The following KCNH8 variants were observed in gnomAD, a reference collection of about 807,000 sequenced individuals.
KCNH8 encodes voltage-gated delayed rectifier potassium channel KCNH8.
In KCNH8, 70 loss-of-function variants were observed where a neutral mutation model predicts 103.6. The ratio of observed to expected loss-of-function variants is 0.68; its 90% CI spans 0.56 to 0.82. The LOEUF is 0.82. Among genes scored for constraint, KCNH8 ranks in the 40% least tolerant of loss-of-function variants. The probability of loss-of-function intolerance (pLI) is 0.00; values close to 1 mark genes in which losing one functional copy is unlikely to be tolerated. For missense variants in KCNH8, 1,217 were observed against 1,329.9 expected, an observed-to-expected ratio of 0.92 and a Z score of 1.32; for synonymous variants, 498 against 489.4, an observed-to-expected ratio of 1.02 and a Z score of -0.23.
At chr3:19,488,233 G>A (rs926314237) in intron 11 of KCNH8, among the ~76,000 whole-genome samples, 1 of 152,158 alleles carries the variant, frequency 6.6e-6, no homozygotes, top group Non-Finnish European at 1.5e-5. Flanking sequence ...TACATTGAAA[G>A]TGTGGGCGAT....
At chr3:19,392,431 C>G (rs193043752) in intron 6 of KCNH8, among the ~76,000 whole-genome samples, 1 of 151,720 alleles carries the variant, frequency 6.6e-6, no homozygotes, top group East Asian at 1.9e-4. Flanking sequence ...CACCTAAATT[C>G]GTTATCCCTC....
At chr3:19,153,624 C>G (rs1575398770) in intron 1 of KCNH8, among the ~76,000 whole-genome samples, 1 of 146,308 alleles carries the variant, frequency 6.8e-6, no homozygotes, top group African/African-American at 2.5e-5. Flanking sequence ...CTTTTCTTTT[C>G]TTTCTTTTTT....
intron 3 of KCNH8, among the ~76,000 whole-genome samples, chr3:19,318,020 T>C (rs964781029): frequency 6.6e-6 from 1 of 151,944 alleles, no homozygotes; most frequent in African/African-American, 2.4e-5. Context: ...CAAATAGGAA[T>C]AGAGGAAGTC....
intron 5 of KCNH8, among the ~76,000 whole-genome samples, chr3:19,355,513 GAAAATGTGGCA>G (rs2065868810): frequency 1.9e-4 from 29 of 152,146 alleles, no homozygotes. Flanking sequence ...ACTGGATTAA[GAAAATGTGGCA>G]CATATACAAC....
At chr3:19,194,418 A>G (rs2063581224) in intron 1 of KCNH8, among the ~76,000 whole-genome samples, 1 of 151,776 alleles carries the variant, frequency 6.6e-6, no homozygotes, top group Non-Finnish European at 1.5e-5. Context: ...CCAATTTTTA[A>G]TGAGTGACAG....
intron 11 of KCNH8, among the ~76,000 whole-genome samples, chr3:19,507,195 G>A (rs2068709426): frequency 6.6e-6 from 1 of 152,168 alleles, no homozygotes; most frequent in African/African-American, 2.4e-5. Context: ...TGGTGGCTGT[G>A]GTGTGCTTGG....
intron 8 of KCNH8, among the ~76,000 whole-genome samples, chr3:19,444,696 C>T (rs1424601556): frequency 1.3e-5 from 2 of 150,588 alleles, no homozygotes; most frequent in Non-Finnish European, 3.0e-5. Flanking sequence ...GAAAAAAACA[C>T]CTCAGAAGTA....
chr3:19,510,260 A>G (rs75412914), intron 11 of KCNH8, 103 bp from the exon 12 acceptor site: 53,961 of 748,564 alleles, frequency 0.072, 2,471 homozygotes, highest in African/African-American at 0.18. Flanking sequence ...CTTCCCTCCC[A>G]CAAACTCTGT....
intron 11 of KCNH8, among the ~76,000 whole-genome samples, chr3:19,477,861 G>A (rs939164523): frequency 6.6e-6 from 1 of 151,984 alleles, no homozygotes; most frequent in African/African-American, 2.4e-5. Context: ...GGCTATTCGT[G>A]TAGCCATCAC....
rs187601695 is a variant in KCNH8 at position 19,326,514 on chromosome 3, T to C, written c.443-16073T>C. Among the ~76,000 whole-genome samples, 412 of 152,030 alleles carry C rather than the reference T, an allele frequency of 2.7e-3. 6 individuals are homozygous for C. The highest frequency in any genetic ancestry group is 9.3e-3 in the African/African-American group (387 of 41,496). Reference sequence around the variant, plus strand: ...CTCCTTTTTCTGAGTCAGGCTTAGGTAAAATCATTCCCTTCATTCTGTGCC... The same window carrying C: ...CTCCTTTTTCTGAGTCAGGCTTAGGCAAAATCATTCCCTTCATTCTGTGCC... On this transcript the variant is annotated intron_variant, in intron 3 of 15. Transcript: ENST00000328405.
At chr3:19,168,177 CTTTT>C (rs2063304519) in intron 1 of KCNH8, among the ~76,000 whole-genome samples, 1 of 151,694 alleles carries the variant, frequency 6.6e-6, no homozygotes, top group Non-Finnish European at 1.5e-5. Flanking sequence ...GCCCAGCTAA[CTTTT>C]TTGTTTGTTT....
At chr3:19,302,036 T>G (rs1181441132) in intron 3 of KCNH8, among the ~76,000 whole-genome samples, 2 of 152,174 alleles carry the variant, frequency 1.3e-5, no homozygotes, top group African/African-American at 2.4e-5. Context: ...CTCCAAACTC[T>G]TGCATTTACG....
intron 3 of KCNH8, among the ~76,000 whole-genome samples, chr3:19,321,938 T>C (rs1242039078): frequency 1.3e-5 from 2 of 152,128 alleles, no homozygotes; most frequent in African/African-American, 2.4e-5. Flanking sequence ...ATAATGTCCT[T>C]CTTTGTCTTT....
intron 3 of KCNH8, among the ~76,000 whole-genome samples, chr3:19,302,364 T>G (rs1048143341): frequency 2.6e-5 from 4 of 152,222 alleles, no homozygotes; most frequent in African/African-American, 7.2e-5. Context: ...TATTTCTTAT[T>G]AAAATATCAC....
At chr3:19,498,650 G>A (rs2068501942) in intron 11 of KCNH8, among the ~76,000 whole-genome samples, 1 of 152,190 alleles carries the variant, frequency 6.6e-6, no homozygotes, top group Non-Finnish European at 1.5e-5. Context: ...GAGGACGAGA[G>A]GTGCTCTGCT....
At chr3:19,325,613 T>G (rs2065412109) in intron 3 of KCNH8, among the ~76,000 whole-genome samples, 1 of 152,132 alleles carries the variant, frequency 6.6e-6, no homozygotes, top group Non-Finnish European at 1.5e-5. Context: ...ATTAGAGAAA[T>G]GCAAATCAAA....
At chr3:19,487,843 C>T (rs1260293590) in intron 11 of KCNH8, among the ~76,000 whole-genome samples, 1 of 152,156 alleles carries the variant, frequency 6.6e-6, no homozygotes, top group Non-Finnish European at 1.5e-5. Context: ...CAGGCATGTA[C>T]AAGAACTGGT....
chr3:19,291,715 A>C (rs1315834912), intron 3 of KCNH8, among the ~76,000 whole-genome samples: 1 of 152,108 alleles, frequency 6.6e-6, no homozygotes, highest in Non-Finnish European at 1.5e-5. Context: ...AAGAATGTAT[A>C]TTCTGTTGAT....
At chr3:19,156,808 C>G (rs1051526050) in intron 1 of KCNH8, among the ~76,000 whole-genome samples, 2 of 151,928 alleles carry the variant, frequency 1.3e-5, no homozygotes, top group Non-Finnish European at 2.9e-5. Flanking sequence ...AGAGGAAATT[C>G]TTCCATGTAT....
Sources: allele counts gnomAD v4.1 joint callset (sites outside exome capture counted in the v4.1 genomes callset), GRCh38; gene constraint gnomAD v4.1.1; transcripts MANE v1.5; gene names NCBI Gene and HGNC (gene_info 2026-07-23, HGNC 2026-07-21).